BTBD9: variants seen among roughly 807,000 people sequenced by gnomAD.
BTBD9 encodes BTB/POZ domain-containing protein 9.
BTBD9 carries 49 observed loss-of-function variants against 64.3 expected under a neutral mutation model. The observed-to-expected ratio is 0.76, with a 90% CI of 0.61 to 0.97. BTBD9 has a LOEUF of 0.97. BTBD9 is among the 50% of genes least tolerant of loss of function. The pLI is 0.00. For missense variants in BTBD9, 598 were observed against 762.1 expected (o/e 0.78, Z 2.53); for synonymous variants, 260 against 274.7 (o/e 0.95, Z 0.53).
At chr6:38,208,226 G>A (rs966416381) in intron 9 of BTBD9, among the ~76,000 whole-genome samples, 2 of 152,172 alleles carry the variant, frequency 1.3e-5, no homozygotes, top group Non-Finnish European at 2.9e-5. Flanking sequence ...GCACTGAGAC[G>A]TGACGGGTAT....
intron 1 of BTBD9, among the ~76,000 whole-genome samples, chr6:38,630,733 A>T (rs1778334760): frequency 1.3e-5 from 2 of 152,262 alleles, no homozygotes; most frequent in South Asian, 4.1e-4. Flanking sequence ...GCCAAAATAT[A>T]AACCTAACTG....
chr6:38,529,981 G>A (rs947057022), intron 6 of BTBD9, among the ~76,000 whole-genome samples: 4 of 152,136 alleles, frequency 2.6e-5, no homozygotes, highest in African/African-American at 9.7e-5. Flanking sequence ...CGTGTAAGTA[G>A]GGAAGAGATT....
In BTBD9 at chr6:38,578,834, A is replaced by C. The variant is rs79237149; in HGVS notation, c.1035-1115T>G. Among the ~76,000 whole-genome samples the C allele has an allele frequency of 6.3e-3, 957 of 152,320 alleles. 9 individuals are homozygous for C. Among genetic ancestry groups the C allele is most frequent in the African/African-American group, 0.022 (897 of 41,562 alleles). Reference sequence around the variant, plus strand: ...TGAATGTAATGCACATACTGACACAAAGTGGCCTATAAATATTAACATCAC... The same window carrying C: ...TGAATGTAATGCACATACTGACACACAGTGGCCTATAAATATTAACATCAC... On this transcript the variant is annotated intron_variant, in intron 5 of 10. Transcript: ENST00000481247.
rs138605800 is a variant in BTBD9 at position 38,374,372 on chromosome 6, G to A, written c.1155-29279C>T. On this transcript the variant is annotated intron_variant, in intron 6 of 10. Transcript: ENST00000481247. Reference sequence around the variant, plus strand: ...AACTATATAAGAGTAAGGAGAGACAGCACCGAAAAGTTACATTCTGTAAAC... The same window carrying A: ...AACTATATAAGAGTAAGGAGAGACAACACCGAAAAGTTACATTCTGTAAAC... 7.8e-3 allele frequency among the ~76,000 whole-genome samples: 1,044 copies of A among 134,518 alleles called. 14 individuals carry two copies. The highest frequency in any genetic ancestry group is 0.011 in the Non-Finnish European group (689 of 64,280). 88.2% of individuals were successfully genotyped at this position (134,518 alleles called of 152,430 possible).
intron 6 of BTBD9, among the ~76,000 whole-genome samples, chr6:38,426,658 T>C (rs1437093392): frequency 6.6e-6 from 1 of 151,924 alleles, no homozygotes; most frequent in Non-Finnish European, 1.5e-5. Flanking sequence ...AGGCTTGCCA[T>C]TGTTCCTGCA....
chr6:38,463,770 G>A lies in BTBD9; in HGVS notation c.1154+113830C>T, dbSNP rs142658008. On this transcript the variant is annotated intron_variant, in intron 6 of 10. Transcript: ENST00000481247. ...AACTAGAATGGGCATGGTGGCTCAC[G>A]CCTATAATCCCAGCACTTTAGGAGG... Among the ~76,000 whole-genome samples, 682 of 152,252 alleles carry A rather than the reference G, an allele frequency of 4.5e-3. 7 individuals are homozygous for A. In the South Asian group the frequency reaches 0.045, roughly 10 times the overall value.
chr6:38,495,340 T>C (rs960755976), intron 6 of BTBD9, among the ~76,000 whole-genome samples: 3 of 152,202 alleles, frequency 2.0e-5, no homozygotes, highest in African/African-American at 7.2e-5. Context: ...CTTCAAAGAA[T>C]GTTAGTTCTC....
intron 1 of BTBD9, among the ~76,000 whole-genome samples, chr6:38,624,662 C>A (rs1272653430): frequency 6.7e-6 from 1 of 150,230 alleles, no homozygotes; most frequent in African/African-American, 2.5e-5. Context: ...AAATGGTACA[C>A]AAAATCCTAC....
chr6:38,580,285 C>T lies in BTBD9; in HGVS notation c.967G>A (p.Glu323Lys), dbSNP rs1776229233. ...ATGGATGGCTGACCTAGCTTAATCT[C>T]GATGCCGGAACGGCAGTCATCATCA... is the stretch of plus-strand genomic sequence containing the variant. ...PIDDDCRSGI[E>K]IKLGQPSIIN... The change falls in exon 5 of 11, where the codon GAG (glutamate) becomes AAG (lysine). Residue 323 changes from glutamate (E) to lysine (K), a missense_variant. Physicochemically the swap from Glu to Lys is moderately conservative, Grantham distance 56. Coordinates refer to ENST00000481247, the MANE Select transcript of BTBD9 (RefSeq NM_001099272.2). The T allele has an allele frequency of 2.5e-6, 4 of 1,614,078 alleles. No individual in the cohort carries two copies. In the African/African-American group the frequency reaches 4.0e-5, roughly 16 times the overall value.
chr6:38,205,249 A>G (rs1200865270), intron 9 of BTBD9, among the ~76,000 whole-genome samples: 1 of 152,214 alleles, frequency 6.6e-6, no homozygotes, highest in East Asian at 1.9e-4. Context: ...AGCCATTACA[A>G]GAAATGAGAA....
intron 8 of BTBD9, among the ~76,000 whole-genome samples, chr6:38,284,938 T>C (rs1011826975): frequency 2.7e-5 from 4 of 145,998 alleles, no homozygotes; most frequent in African/African-American, 1.0e-4. Context: ...GGAACCCATG[T>C]GCAATGCTCT....
intron 6 of BTBD9, among the ~76,000 whole-genome samples, chr6:38,421,042 T>A (rs1281288093): frequency 6.6e-6 from 1 of 152,046 alleles, no homozygotes; most frequent in Non-Finnish European, 1.5e-5. Context: ...TTTTATGATG[T>A]CTTAAAGGGT....
intron 6 of BTBD9, among the ~76,000 whole-genome samples, chr6:38,364,415 AACAG>A (rs1375915195): frequency 4.6e-5 from 7 of 152,244 alleles, no homozygotes; most frequent in Non-Finnish European, 7.3e-5. Flanking sequence ...TGAACACAAA[AACAG>A]ACAGAAAATA....
At chr6:38,200,671 G>A (rs1204885496) in intron 9 of BTBD9, among the ~76,000 whole-genome samples, 1 of 151,994 alleles carries the variant, frequency 6.6e-6, no homozygotes, top group African/African-American at 2.4e-5. Context: ...TAGAAGAAAT[G>A]GATAAACTCC....
intron 7 of BTBD9, among the ~76,000 whole-genome samples, chr6:38,314,004 G>T (rs1762943977): frequency 6.6e-6 from 1 of 151,884 alleles, no homozygotes; most frequent in Non-Finnish European, 1.5e-5. Flanking sequence ...GCCTCCCAAA[G>T]TGCTGGGATT....
chr6:38,511,583 AC>A (rs1422443133), intron 6 of BTBD9, among the ~76,000 whole-genome samples: 3 of 151,934 alleles, frequency 2.0e-5, no homozygotes, highest in African/African-American at 7.3e-5. Flanking sequence ...GCTCAAGCCA[AC>A]TGCCTGCTTG....
chr6:38,177,159 G>C (rs146952854), intron 10 of BTBD9, among the ~76,000 whole-genome samples: 102 of 152,230 alleles, frequency 6.7e-4, no homozygotes, highest in Non-Finnish European at 1.2e-3. Context: ...CTCCCTGCTC[G>C]GTCAATATCT....
rs114810630 is a variant in BTBD9, at chr6:38,417,603, G to A, written c.1155-72510C>T. On this transcript the variant is annotated intron_variant, in intron 6 of 10. Coordinates refer to ENST00000481247, the MANE Select transcript of BTBD9 (RefSeq NM_001099272.2). ...AGCCTGGGCAGCATAGCAAAACCAC[G>A]TCTCTACAAAAAATACAAAAATAAG... Among the ~76,000 whole-genome samples the A allele has an allele frequency of 5.5e-3, 840 of 152,010 alleles. 4 individuals are homozygous for A. The highest frequency in any genetic ancestry group is 9.0e-3 in the Non-Finnish European group (613 of 67,952).
intron 6 of BTBD9, among the ~76,000 whole-genome samples, chr6:38,397,891 A>G (rs1766751748): frequency 6.6e-6 from 1 of 152,242 alleles, no homozygotes; most frequent in Non-Finnish European, 1.5e-5. Context: ...AGGAAACGTC[A>G]AGTGCAAATG....
Sources: allele counts gnomAD v4.1 joint callset (sites outside exome capture counted in the v4.1 genomes callset), GRCh38; gene constraint gnomAD v4.1.1; transcripts MANE v1.5; gene names NCBI Gene and HGNC (gene_info 2026-07-23, HGNC 2026-07-21).